The following TSPAN18 variants were observed in gnomAD, a reference collection of about 807,000 sequenced individuals.
The protein encoded by TSPAN18 is tetraspanin-18.
Under a neutral mutation model 27.3 loss-of-function variants are expected in TSPAN18, and 14 were observed. The observed-to-expected ratio is 0.51, with a 90% CI of 0.34 to 0.80. The LOEUF is 0.80. TSPAN18 is among the 30% of genes least tolerant of loss of function. The pLI, the probability that TSPAN18 is intolerant of heterozygous loss-of-function variation, is 0.01. For missense variants in TSPAN18, 268 were observed against 323.9 expected (o/e 0.83, Z 1.32); for synonymous variants, 143 against 136.5 (o/e 1.05, Z -0.33).
intron 1 of TSPAN18, among the ~76,000 whole-genome samples, chr11:44,743,453 T>G (rs4755284): frequency 0.25 from 37,386 of 152,056 alleles, 5,973 homozygotes; most frequent in East Asian, 0.71. Context: ...TGTGTGACCT[T>G]GGGCTGATTA....
chr11:44,729,314 A>T, intron 1 of TSPAN18, among the ~76,000 whole-genome samples: 1 of 151,852 alleles, frequency 6.6e-6, no homozygotes, highest in South Asian at 2.1e-4. Context: ...CTGTGGAGGG[A>T]AGCCTGCATG....
intron 1 of TSPAN18, among the ~76,000 whole-genome samples, chr11:44,760,631 C>T (rs1263300248): frequency 6.6e-6 from 1 of 152,104 alleles, no homozygotes; most frequent in African/African-American, 2.4e-5. Context: ...AGTGGGCTGA[C>T]CAAATTTTTC....
At chr11:44,777,804 T>G (rs1855848314) in intron 2 of TSPAN18, among the ~76,000 whole-genome samples, 1 of 152,150 alleles carries the variant, frequency 6.6e-6, no homozygotes, top group Non-Finnish European at 1.5e-5. Flanking sequence ...CAGGAGGGTG[T>G]CCGGGTAGAC....
chr11:44,756,163 ACAG>A (rs1659998123), intron 1 of TSPAN18, among the ~76,000 whole-genome samples: 2 of 152,112 alleles, frequency 1.3e-5, no homozygotes. Flanking sequence ...TTCTAGGACA[ACAG>A]GAGACTCTAA....
At chr11:44,867,017 TA>T (rs1230945596) in intron 3 of TSPAN18, among the ~76,000 whole-genome samples, 2 of 152,306 alleles carry the variant, frequency 1.3e-5, no homozygotes, top group African/African-American at 4.8e-5. Flanking sequence ...ACACCAACCT[TA>T]AATCAGATTC....
At position 44,930,569 on chromosome 11, in the gene TSPAN18, G is replaced by C; in HGVS notation, c.*1391G>C. 3.4e-6 allele frequency: 1 copy of C among 295,942 alleles called. No homozygotes were observed. The highest frequency in any genetic ancestry group is 2.9e-5 in the South Asian group (1 of 34,602). 18.3% of individuals were successfully genotyped at this position (295,942 alleles called of 1,614,324 possible). A position where few individuals can be genotyped will look rare whatever the true frequency, so the allele number is the denominator to read the frequency against. On this transcript the variant is annotated 3_prime_UTR_variant, in exon 10 of 10. Transcript: ENST00000520358. ...GCACATTTCTTAGTATTCCCTCCAG[G>C]CTTGGGCAGGGAGACTCGCAGATGC...
At chr11:44,865,940 G>T (rs986032944) in intron 3 of TSPAN18, among the ~76,000 whole-genome samples, 1 of 152,240 alleles carries the variant, frequency 6.6e-6, no homozygotes, top group African/African-American at 2.4e-5. Context: ...GGCCTGAGCC[G>T]AACCACATTC....
At chr11:44,855,432 T>G (rs1374940487) in intron 2 of TSPAN18, among the ~76,000 whole-genome samples, 1 of 152,194 alleles carries the variant, frequency 6.6e-6, no homozygotes, top group African/African-American at 2.4e-5. Context: ...AGTAATAAAT[T>G]TTAAAAAGCA....
rs1860562764 is a variant in TSPAN18 at position 44,931,540 on chromosome 11, G to A, written c.*2362G>A. ...CCCCTCAGCAGCTTTCTACAAATGTGCCAAGGAACCCTCAATCAGCCCTGA... is the reference window on the plus strand; with the variant it reads ...CCCCTCAGCAGCTTTCTACAAATGTACCAAGGAACCCTCAATCAGCCCTGA... On this transcript the variant is annotated 3_prime_UTR_variant, in exon 10 of 10. Coordinates refer to ENST00000520358, the MANE Select transcript of TSPAN18 (RefSeq NM_130783.5). The A allele has an allele frequency of 6.6e-6, 1 of 152,440 alleles. No homozygotes were observed. Among genetic ancestry groups the A allele is most frequent in the Non-Finnish European group, 1.5e-5 (1 of 68,260 alleles). 9.4% of individuals were successfully genotyped at this position (152,440 alleles called of 1,614,324 possible). A position where few individuals can be genotyped will look rare whatever the true frequency, so the allele number is the denominator to read the frequency against.
chr11:44,749,460 AT>A (rs925571416), intron 1 of TSPAN18, among the ~76,000 whole-genome samples: 2 of 152,112 alleles, frequency 1.3e-5, no homozygotes, highest in South Asian at 2.1e-4. Context: ...AGTTAGAAGG[AT>A]TCATTCCCAA....
At chr11:44,893,775 A>G (rs915987553) in intron 3 of TSPAN18, among the ~76,000 whole-genome samples, 1 of 152,218 alleles carries the variant, frequency 6.6e-6, no homozygotes, top group Non-Finnish European at 1.5e-5. Context: ...GATCATTTTA[A>G]GTGAACGCCC....
At position 44,926,691 on chromosome 11, in the gene TSPAN18, C is replaced by A. The variant is rs774535475; in HGVS notation, c.633C>A (p.Ile211=). 4 of 1,614,138 alleles carry A rather than the reference C, an allele frequency of 2.5e-6. 1 individual carries two copies. In the South Asian group the frequency reaches 4.4e-5, roughly 18 times the overall value. The part of the protein sequence containing the change: ...FLNKQGCYTV[I]LNTFETYVYL... The stretch of plus-strand genomic sequence containing the variant: ...CCTCCCAGGGCTGTTACACGGTGAT[C>A]CTCAACACCTTCGAGACCTACGTCT... The change falls in exon 9 of 10, where the codon ATC becomes ATA. Residue 211 remains isoleucine, a synonymous_variant. Coordinates refer to ENST00000520358, the MANE Select transcript of TSPAN18 (RefSeq NM_130783.5).
chr11:44,729,004 C>CT (rs1168218517), intron 1 of TSPAN18, among the ~76,000 whole-genome samples: 1 of 152,168 alleles, frequency 6.6e-6, no homozygotes, highest in Non-Finnish European at 1.5e-5. Flanking sequence ...CTCCCATGTC[C>CT]TTAATGTCCC....
chr11:44,738,753 A>G (rs756791421), intron 1 of TSPAN18, among the ~76,000 whole-genome samples: 5 of 152,318 alleles, frequency 3.3e-5, no homozygotes, highest in Non-Finnish European at 7.4e-5. Context: ...AAACATTCAC[A>G]TTCCAAAGTG....
intron 2 of TSPAN18, among the ~76,000 whole-genome samples, chr11:44,853,085 G>C (rs1024819653): frequency 6.6e-6 from 1 of 152,172 alleles, no homozygotes; most frequent in African/African-American, 2.4e-5. Flanking sequence ...AACAGCAGGT[G>C]GAGAAGTTAG....
intron 1 of TSPAN18, among the ~76,000 whole-genome samples, chr11:44,750,452 A>G (rs895197727): frequency 6.6e-6 from 1 of 152,186 alleles, no homozygotes; most frequent in Non-Finnish European, 1.5e-5. Flanking sequence ...GTGTTTGGAG[A>G]CCCAGGAAAA....
intron 2 of TSPAN18, among the ~76,000 whole-genome samples, chr11:44,794,487 G>C (rs1227865743): frequency 6.6e-6 from 1 of 152,150 alleles, no homozygotes; most frequent in African/African-American, 2.4e-5. Context: ...GGGCAACATG[G>C]AGAAATCTCG....
At chr11:44,925,390 A>G (rs1227658205) in intron 8 of TSPAN18, among the ~76,000 whole-genome samples, 2 of 152,072 alleles carry the variant, frequency 1.3e-5, no homozygotes, top group African/African-American at 2.4e-5. Flanking sequence ...GTCTGTTTCT[A>G]TCTGGGTATG....
At chr11:44,813,586 A>G (rs1856764058) in intron 2 of TSPAN18, among the ~76,000 whole-genome samples, 1 of 152,190 alleles carries the variant, frequency 6.6e-6, no homozygotes, top group Non-Finnish European at 1.5e-5. Flanking sequence ...TAAGACCTCT[A>G]TGAACTGGCT....
Sources: gnomAD v4.1 joint callset for allele counts (sites outside exome capture counted in the v4.1 genomes callset) on GRCh38, gnomAD v4.1.1 for gene constraint, MANE v1.5 for transcripts, NCBI Gene and HGNC (gene_info 2026-07-23, HGNC 2026-07-21) for gene names.